The following OTUD6B variants were observed in gnomAD, a reference collection of about 807,000 sequenced individuals.
The protein encoded by OTUD6B is OTU deubiquitinase 6B.
Under a neutral mutation model 36.9 loss-of-function variants are expected in OTUD6B, and 41 were observed. The observed-to-expected ratio is 1.11, with a 90% CI of 0.87 to 1.44. The LOEUF is 1.44. Among genes scored for constraint, OTUD6B ranks in the 40% most tolerant of loss-of-function variants. The pLI is 0.00. For synonymous variants in OTUD6B, 114 were observed against 114.2 expected, an observed-to-expected ratio of 1.00 and a Z score of 0.01; for missense variants, 356 against 344.8, an observed-to-expected ratio of 1.03 and a Z score of -0.26.
intron 5 of OTUD6B, among the ~76,000 whole-genome samples, chr8:91,083,361 G>A (rs1812944676): frequency 6.6e-6 from 1 of 152,102 alleles, no homozygotes; most frequent in Non-Finnish European, 1.5e-5. Context: ...ACATTTTCAA[G>A]CGTATTCAAA....
intron 2 of OTUD6B, among the ~76,000 whole-genome samples, chr8:91,071,943 C>T (rs183082839): frequency 1.3e-5 from 2 of 152,352 alleles, no homozygotes; most frequent in Admixed American, 6.5e-5. Flanking sequence ...AATTTTCCCA[C>T]ATATATAATA....
chr8:91,070,551 C>A (rs1334728210), intron 1 of OTUD6B, 85 bp downstream of exon 1: 35 of 1,284,942 alleles, frequency 2.7e-5, no homozygotes, highest in Admixed American at 6.1e-5. Context: ...AATCTCAAGG[C>A]GTGACTTATC....
Position 91,071,289 on chromosome 8 carries a change from G to A in OTUD6B, c.234G>A (p.Lys78=), listed in dbSNP as rs759857126. ...EQLKLTTKEN[K]IDSVAVNISN... ...TGAAGCTGACTACTAAGGAGAATAAGGTATGTGAAATAAATGTTTGTCGTT... is the reference window on the plus strand; with the variant it reads ...TGAAGCTGACTACTAAGGAGAATAAAGTATGTGAAATAAATGTTTGTCGTT... Residue 78 remains lysine (K), a splice_region_variant and synonymous_variant, in exon 2 of 7, where the codon AAG becomes AAA. Coordinates refer to ENST00000404789, the MANE Select transcript of OTUD6B (RefSeq NM_016023.5). 3.4e-5 allele frequency: 54 copies of A among 1,605,536 alleles called. No individual in the cohort carries two copies. In the South Asian group the frequency reaches 6.0e-4, roughly 18 times the overall value.
At chr8:91,071,340 C>A (rs1812694160) in intron 2 of OTUD6B, 51 bp downstream of exon 2, 4 of 1,406,522 alleles carry the variant, frequency 2.8e-6, no homozygotes, top group Non-Finnish European at 2.9e-6. Flanking sequence ...AAACAGCTGT[C>A]CACTTCTGTT....
Position 91,080,686 on chromosome 8 carries a change from T to C in OTUD6B, c.646T>C (p.Cys216Arg). The change falls in exon 5 of 7, where the codon TGT becomes CGT. Residue 216 changes from cysteine to arginine, a missense_variant. Coordinates refer to ENST00000404789, the MANE Select transcript of OTUD6B (RefSeq NM_016023.5). The part of the protein sequence containing the change: ...MYTPEEFQKY[C>R]EDIVNTAAWG... The stretch of plus-strand genomic sequence containing the variant: ...CTCTACAGAAGAATTTCAGAAGTAC[T>C]GTGAAGATATTGTAAACACAGCTGC... The C allele has an allele frequency of 1.2e-6, 2 of 1,603,166 alleles. No homozygotes were observed. The highest frequency in any genetic ancestry group is 1.7e-6 in the Non-Finnish European group (2 of 1,174,052).
At position 91,086,301 on chromosome 8, in the gene OTUD6B, A is replaced by G. The variant is rs1329356775; in HGVS notation, c.*1433A>G. 6.6e-6 allele frequency: 1 copy of G among 152,050 alleles called. No homozygotes were observed. Among genetic ancestry groups the G allele is most frequent in the Non-Finnish European group, 1.5e-5 (1 of 67,962 alleles). 9.4% of individuals were successfully genotyped at this position (152,050 alleles called of 1,614,324 possible). ...AGTCTTTTCACACGCCCAGCAGGTAACAATGTGGGAAGCTGGCAGGGTCAT... is the reference window on the plus strand; with the variant it reads ...AGTCTTTTCACACGCCCAGCAGGTAGCAATGTGGGAAGCTGGCAGGGTCAT... On this transcript the variant is annotated 3_prime_UTR_variant, in exon 7 of 7. Transcript: ENST00000404789.
At chr8:91,076,364 G>T in intron 3 of OTUD6B, 2 of 680,284 alleles carry the variant, frequency 2.9e-6, no homozygotes, top group Non-Finnish European at 3.6e-6. Context: ...ACTATATATT[G>T]CTGGAAAAAG....
rs1813013139 is a variant in OTUD6B, at chr8:91,086,248, A to G, written c.*1380A>G. The G allele has an allele frequency of 6.6e-6, 1 of 152,052 alleles. No individual in the cohort carries two copies. Among genetic ancestry groups the G allele is most frequent in the Non-Finnish European group, 1.5e-5 (1 of 67,970 alleles). 9.4% of individuals were successfully genotyped at this position (152,052 alleles called of 1,614,324 possible). A position where few individuals can be genotyped will look rare whatever the true frequency, so the allele number is the denominator to read the frequency against. Reference sequence around the variant, plus strand: ...GTACAACTAATTTTTATAAGTAAATATTGGGTTTATATGAAAAATGGGGTG... The same window carrying G: ...GTACAACTAATTTTTATAAGTAAATGTTGGGTTTATATGAAAAATGGGGTG... On this transcript the variant is annotated 3_prime_UTR_variant, in exon 7 of 7. Coordinates refer to ENST00000404789, the MANE Select transcript of OTUD6B (RefSeq NM_016023.5).
intron 5 of OTUD6B, among the ~76,000 whole-genome samples, chr8:91,081,854 C>T (rs1449991418): frequency 6.6e-6 from 1 of 151,980 alleles, no homozygotes; most frequent in Non-Finnish European, 1.5e-5. Flanking sequence ...TTGTATGCCT[C>T]GGAAACTCAG....
chr8:91,073,125 T>G (rs375846788), intron 2 of OTUD6B, among the ~76,000 whole-genome samples: 1 of 152,186 alleles, frequency 6.6e-6, no homozygotes, highest in African/African-American at 2.4e-5. Flanking sequence ...CTTTGCAGAC[T>G]TCTGTCTCTG....
At position 91,070,466 on chromosome 8, in the gene OTUD6B, G is replaced by C; in HGVS notation, c.82G>C (p.Ala28Pro). 2 of 1,563,646 alleles carry C rather than the reference G, an allele frequency of 1.3e-6. No homozygotes were observed. The highest frequency in any genetic ancestry group is 2.4e-5 in the South Asian group (2 of 85,036). Residue 28 changes from alanine to proline, a missense_variant and splice_region_variant, in exon 1 of 7, where the codon GCC becomes CCC. Physicochemically the swap from Ala to Pro is conservative, Grantham distance 27. Coordinates refer to ENST00000404789, the MANE Select transcript of OTUD6B (RefSeq NM_016023.5). ...TCGCAAAGAGAAGAAGGAGTTGCAA[G>C]GTGAGGCGGAAGGAAGTGGGAATCT... is the stretch of plus-strand genomic sequence containing the variant. ...RHRKEKKELQAKIQGMKNAVP... is the reference protein window; with the variant it reads ...RHRKEKKELQPKIQGMKNAVP...
chr8:91,073,032 A>G (rs910231666), intron 2 of OTUD6B, among the ~76,000 whole-genome samples: 2 of 152,234 alleles, frequency 1.3e-5, no homozygotes, highest in Non-Finnish European at 2.9e-5. Flanking sequence ...GAAGAATCAC[A>G]GGACTCCTAA....
At chr8:91,083,823 G>A (rs1812953873) in intron 5 of OTUD6B, 185 bp from the exon 6 acceptor site, 2 of 266,864 alleles carry the variant, frequency 7.5e-6, no homozygotes, top group African/African-American at 2.3e-5. Context: ...TAGGATAAGG[G>A]ATATTCAACC....
At position 91,076,700 on chromosome 8, in the gene OTUD6B, A is replaced by G. The variant is rs1292331313; in HGVS notation, c.316-1656A>G. ...GCGTGCTGTTTCCTCAGAAGAGGAA[A>G]ATGAGGGGTTTTGGATTAGATGATA... On this transcript the variant is annotated intron_variant, in intron 3 of 6. Transcript: ENST00000404789. 3 of 1,263,688 alleles carry G rather than the reference A, an allele frequency of 2.4e-6. No homozygotes were observed. The East Asian group carries it at 7.6e-5, about 32-fold the overall frequency. The allele number at this position is 1,263,688 out of a possible 1,614,324, so 78.3% of individuals were successfully genotyped here. A position where few individuals can be genotyped will look rare whatever the true frequency, so the allele number is the denominator to read the frequency against.
chr8:91,071,859 C>T (rs10113205), intron 2 of OTUD6B, among the ~76,000 whole-genome samples: 6,238 of 152,184 alleles, frequency 0.041, 175 homozygotes, highest in African/African-American at 0.073. Flanking sequence ...GTTGGAAGAC[C>T]AGGCATCTGA....
intron 3 of OTUD6B, chr8:91,076,343 G>A (rs1812802721): frequency 2.2e-6 from 1 of 445,474 alleles, no homozygotes; most frequent in Non-Finnish European, 3.0e-6. Flanking sequence ...AGTGCCTAGT[G>A]CTCTTGGGAA....
intron 3 of OTUD6B, among the ~76,000 whole-genome samples, chr8:91,074,322 C>T (rs2130429289): frequency 6.6e-6 from 1 of 152,072 alleles, no homozygotes; most frequent in Admixed American, 6.5e-5. Context: ...GATGCACAAC[C>T]CTAGCCAAGA....
At chr8:91,076,528 A>G (rs779163161) in intron 3 of OTUD6B, 85 of 1,522,430 alleles carry the variant, frequency 5.6e-5, no homozygotes, top group African/African-American at 2.6e-4. Context: ...CCACTCTTTC[A>G]GTAAATAGTA....
At position 91,081,391 on chromosome 8, in the gene OTUD6B, A is replaced by C. The variant is rs372961662; in HGVS notation, c.690+661A>C. On this transcript the variant is annotated intron_variant, in intron 5 of 6. Transcript: ENST00000404789. ...TGTTAAAAACAAACAAACAAACAAA[A>C]AAAACAGGTAGGTAGGCCAGATGGT... Among the ~76,000 whole-genome samples the C allele has an allele frequency of 1.5e-4, 21 of 135,896 alleles. No individual in the cohort carries two copies. In the South Asian group the frequency reaches 4.3e-3, roughly 28 times the overall value. The allele number at this position is 135,896 out of a possible 152,430, so 89.2% of individuals were successfully genotyped here. A position where few individuals can be genotyped will look rare whatever the true frequency, so the allele number is the denominator to read the frequency against.
Sources: allele counts gnomAD v4.1 joint callset (sites outside exome capture counted in the v4.1 genomes callset), GRCh38; gene constraint gnomAD v4.1.1; transcripts MANE v1.5; gene names NCBI Gene and HGNC (gene_info 2026-07-23, HGNC 2026-07-21).